Variants in MTTP observed in about 807,000 individuals in gnomAD.
The protein encoded by MTTP is microsomal triglyceride transfer protein large subunit.
A neutral mutation model predicts 90.6 loss-of-function variants in MTTP; 49 were observed. The ratio of observed to expected loss-of-function variants is 0.54; its 90% CI spans 0.43 to 0.69. The LOEUF is 0.69. Ranked by LOEUF, MTTP falls within the 30% of genes least tolerant of loss-of-function variation. MTTP has a pLI of 0.00. For missense variants in MTTP, 945 were observed against 1,067.5 expected (o/e 0.89, Z 1.60); for synonymous variants, 347 against 384.2 (o/e 0.90, Z 1.13).
In MTTP at chr4:99,621,150, T is replaced by C. The variant is rs1726219519; in HGVS notation, c.2432T>C (p.Leu811Ser). ...ACCAGTACAGAAACAGAAGCAGGCT[T>C]GGAGTTTATCTCCACAGTGCAGTTT... Reference protein sequence around the residue: ...LETSTETEAGLEFISTVQFSQ... With the variant: ...LETSTETEAGSEFISTVQFSQ... The change falls in exon 17 of 18, where the codon TTG (leucine) becomes TCG (serine). Residue 811 changes from leucine to serine, a missense_variant. Transcript: ENST00000265517. 6.2e-7 allele frequency: 1 copy of C among 1,614,120 alleles called. No individual in the cohort carries two copies. Among genetic ancestry groups the C allele is most frequent in the Admixed American group, 1.7e-5 (1 of 60,018 alleles).
upstream of MTTP, chr4:99,570,742 G>T: frequency 2.2e-6 from 1 of 455,886 alleles, no homozygotes; most frequent in South Asian, 1.5e-5. Context: ...ACGGAAGAGG[G>T]AGACAGAAGA....
intron 4 of MTTP, 64 bp downstream of exon 4, chr4:99,589,814 C>A: frequency 9.0e-7 from 1 of 1,113,304 alleles, no homozygotes; most frequent in Non-Finnish European, 1.4e-6. Flanking sequence ...TCTACTTATA[C>A]AATTTCAGTA....
chr4:99,597,041 A>G (rs1414189485), intron 7 of MTTP, 26 bp from the exon 8 acceptor site: 1 of 1,612,886 alleles, frequency 6.2e-7, no homozygotes, highest in Admixed American at 1.7e-5. Flanking sequence ...TGAGTGGGGT[A>G]TGAGCCTGCA....
Position 99,606,814 on chromosome 4 carries a change from A to T in MTTP, c.1411A>T (p.Arg471Trp). ...LEKAEKKEDT[R>W]MYLLALKNAL... ...AAAAGCAGAGAAAAAAGAGGACACC[A>T]GGATGTATCTGCTGGCTTTGAAGAA... Residue 471 changes from arginine (R) to tryptophan (W), a missense_variant, in exon 11 of 18, where the codon AGG becomes TGG. Physicochemically the swap from Arg to Trp is moderately radical, Grantham distance 101. Coordinates refer to ENST00000265517, the MANE Select transcript of MTTP (RefSeq NM_001386140.1). The T allele has an allele frequency of 6.2e-7, 1 of 1,614,164 alleles. No homozygotes were observed. Among genetic ancestry groups the T allele is most frequent in the Non-Finnish European group, 8.5e-7 (1 of 1,180,018 alleles).
rs1578254426 is a variant in MTTP at position 99,613,551 on chromosome 4, A to C, written c.2217+411A>C. The stretch of plus-strand genomic sequence containing the variant: ...GTAATGACAGAGATGATGAAGATGC[A>C]TACAGTGCATCATTTTGACCCTGCC... On this transcript the variant is annotated intron_variant, in intron 15 of 17. Transcript: ENST00000265517. Among the ~76,000 whole-genome samples the C allele has an allele frequency of 3.3e-5, 5 of 152,306 alleles. No individual in the cohort carries two copies. The South Asian group carries it at 1.0e-3, about 32-fold the overall frequency.
At chr4:99,580,781 T>A (rs1368294339) in intron 1 of MTTP, among the ~76,000 whole-genome samples, 1 of 152,086 alleles carries the variant, frequency 6.6e-6, no homozygotes, top group Non-Finnish European at 1.5e-5. Context: ...TGACCACCAT[T>A]TCCTCTGGGC....
At chr4:99,620,864 C>T (rs1420332534) in intron 16 of MTTP, 197 bp from the exon 17 acceptor site, 1 of 596,966 alleles carries the variant, frequency 1.7e-6, no homozygotes, top group East Asian at 2.8e-5. Flanking sequence ...GCAAACCTTC[C>T]CTGCCCAATA....
chr4:99,567,583 G>T (rs1724733468), intron 1 of MTTP, among the ~76,000 whole-genome samples: 1 of 152,206 alleles, frequency 6.6e-6, no homozygotes, highest in Non-Finnish European at 1.5e-5. Context: ...GAGCAGGAGG[G>T]TCTGAAGCTG....
At chr4:99,601,803 AT>A in intron 10 of MTTP, 89 bp downstream of exon 10, 1 of 1,015,104 alleles carries the variant, frequency 9.9e-7, no homozygotes, top group Non-Finnish European at 1.6e-6. Context: ...GGCACTCCTA[AT>A]TCTCTTTACT....
In MTTP at chr4:99,591,711, G is replaced by T. The variant is rs768758928; in HGVS notation, c.679G>T (p.Val227Phe). The T allele has an allele frequency of 6.2e-7, 1 of 1,612,182 alleles. No homozygotes were observed. Among genetic ancestry groups the T allele is most frequent in the African/African-American group, 1.3e-5 (1 of 75,004 alleles). ...CACCTATAAGATAGAAGACAGCTTT[G>T]TTATAGCTGTGCTTGCTGAAGAAAC... ...VTTYKIEDSF[V>F]IAVLAEETHN... Residue 227 changes from valine to phenylalanine, a missense_variant, in exon 6 of 18, where the codon GTT becomes TTT. Transcript: ENST00000265517.
Position 99,601,522 on chromosome 4 carries a change from G to A in MTTP, c.1237-85G>A, listed in dbSNP as rs114681504. Reference sequence around the variant, plus strand: ...TAGAAACATAAAAATACTTTACCAAGTATGTGTTTATTTTTTAACTAAAAG... The same window carrying A: ...TAGAAACATAAAAATACTTTACCAAATATGTGTTTATTTTTTAACTAAAAG... On this transcript the variant is annotated intron_variant, in intron 9 of 17. Coordinates refer to ENST00000265517, the MANE Select transcript of MTTP (RefSeq NM_001386140.1). 0.048 allele frequency: 50,559 copies of A among 1,050,476 alleles called. 1,500 individuals carry two copies. Among genetic ancestry groups the A allele is most frequent in the Non-Finnish European group, 0.058 (39,420 of 675,214 alleles). 65.1% of individuals were successfully genotyped at this position (1,050,476 alleles called of 1,614,324 possible).
chr4:99,600,818 A>G, intron 9 of MTTP, 85 bp downstream of exon 9: 1 of 1,344,732 alleles, frequency 7.4e-7, no homozygotes, highest in South Asian at 1.3e-5. Context: ...CTTAGATCTG[A>G]ATGAAGGCTA....
chr4:99,609,410 G>A (rs1343231078), intron 12 of MTTP, among the ~76,000 whole-genome samples: 1 of 152,046 alleles, frequency 6.6e-6, no homozygotes, highest in Non-Finnish European at 1.5e-5. Context: ...AAAATCTTAG[G>A]CACGGCCCAC....
At position 99,622,853 on chromosome 4, in the gene MTTP, G is replaced by C; in HGVS notation, c.*5G>C. On this transcript the variant is annotated 3_prime_UTR_variant, in exon 18 of 18. Transcript: ENST00000265517. ...ACTTCCAGCGGATGGTTTTGAAACT[G>C]ACCTGTGATATTTTACTTGAATTTG... The C allele has an allele frequency of 6.2e-7, 1 of 1,613,808 alleles. No homozygotes were observed. Among genetic ancestry groups the C allele is most frequent in the Non-Finnish European group, 8.5e-7 (1 of 1,179,722 alleles).
At chr4:99,573,654 TGTATCAAGTCTA>T (rs755923617), upstream of MTTP, among the ~76,000 whole-genome samples, 1 of 152,198 alleles carries the variant, frequency 6.6e-6, no homozygotes, top group Non-Finnish European at 1.5e-5. Context: ...GCATTGTGTC[TGTATCAAGTCTA>T]CTATCTTTTA....
rs142054279 is a variant in MTTP at position 99,581,011 on chromosome 4, A to G, written c.62-894A>G. On this transcript the variant is annotated intron_variant, in intron 1 of 17. Coordinates refer to ENST00000265517, the MANE Select transcript of MTTP (RefSeq NM_001386140.1). Reference sequence around the variant, plus strand: ...GTTGCGTGTCATAGTAAACTGGGCAATGCAACCCCATTAGCATTGAGGAAT... The same window carrying G: ...GTTGCGTGTCATAGTAAACTGGGCAGTGCAACCCCATTAGCATTGAGGAAT... 3.0e-4 allele frequency among the ~76,000 whole-genome samples: 46 copies of G among 152,318 alleles called. No individual in the cohort carries two copies. In the East Asian group the frequency reaches 8.3e-3, roughly 27 times the overall value.
Position 99,564,211 on chromosome 4 carries a change from C to T in MTTP, c.-128C>T, listed in dbSNP as rs751307866. On this transcript the variant is annotated 5_prime_UTR_variant, in exon 1 of 19. Coordinates refer to the MTTP transcript ENST00000457717. The stretch of plus-strand genomic sequence containing the variant: ...CGTTCAAGAATTAAGTGTGTACCTG[C>T]AGACGTGTATTCATTCATATATTCT... 9.1e-6 allele frequency: 14 copies of T among 1,535,432 alleles called. No homozygotes were observed. In the South Asian group the frequency reaches 1.4e-4, roughly 16 times the overall value.
chr4:99,576,861 T>C (rs1267288222), intron 1 of MTTP, among the ~76,000 whole-genome samples: 1 of 152,132 alleles, frequency 6.6e-6, no homozygotes, highest in Non-Finnish European at 1.5e-5. Context: ...TTGAAACATA[T>C]ATAATTTAGG....
At chr4:99,566,016 G>A (rs1456315945) in intron 1 of MTTP, among the ~76,000 whole-genome samples, 2 of 152,160 alleles carry the variant, frequency 1.3e-5, no homozygotes, top group South Asian at 2.1e-4. Context: ...GAGGCCGGGC[G>A]TGGTGGCTCA....
Sources: allele counts gnomAD v4.1 joint callset (sites outside exome capture counted in the v4.1 genomes callset), GRCh38; gene constraint gnomAD v4.1.1; transcripts MANE v1.5; gene names NCBI Gene and HGNC (gene_info 2026-07-23, HGNC 2026-07-21).